The following FAM24B variants were observed in gnomAD, a reference collection of about 807,000 sequenced individuals.
FAM24B encodes family with sequence similarity 24 member B.
A neutral mutation model predicts 2.3 loss-of-function variants in FAM24B; 3 were observed. The ratio of observed to expected loss-of-function variants is 1.29; its 90% CI spans 0.59 to 3.32. The LOEUF is 3.32. Ranked by LOEUF, FAM24B falls within the 30% of genes most tolerant of loss-of-function variation. The probability of loss-of-function intolerance (pLI) is 0.03; values close to 1 mark genes in which losing one functional copy is unlikely to be tolerated. For missense variants in FAM24B, 98 were observed against 117.2 expected (o/e 0.84, Z 0.76); for synonymous variants, 36 against 46.3 (o/e 0.78, Z 0.90).
chr10:122,849,164 A>T lies in FAM24B; in HGVS notation c.*83T>A. On this transcript the variant is annotated 3_prime_UTR_variant, in exon 4 of 4. Coordinates refer to ENST00000368898, the MANE Select transcript of FAM24B (RefSeq NM_152644.3). ...CTGTAAATTATATAATCTCACATAA[A>T]AACACTAGAACTTGATTTGAATAAC... 9.4e-7 allele frequency: 1 copy of T among 1,060,156 alleles called. No homozygotes were observed. Among genetic ancestry groups the T allele is most frequent in the South Asian group, 2.3e-5 (1 of 43,114 alleles). 65.7% of individuals were successfully genotyped at this position (1,060,156 alleles called of 1,614,324 possible).
chr10:122,878,876 A>G (rs1055588408), intron 1 of FAM24B, among the ~76,000 whole-genome samples: 1 of 151,790 alleles, frequency 6.6e-6, no homozygotes, highest in Admixed American at 6.6e-5. Flanking sequence ...TATAGTATTG[A>G]TCTTGCTCAT....
chr10:122,869,973 T>G (rs1168506830), intron 1 of FAM24B, among the ~76,000 whole-genome samples: 1 of 152,116 alleles, frequency 6.6e-6, no homozygotes, highest in Non-Finnish European at 1.5e-5. Context: ...AAAAAGCCCT[T>G]CAAAAAAATC....
intron 1 of FAM24B, among the ~76,000 whole-genome samples, chr10:122,856,650 TGG>T (rs1201198176): frequency 6.6e-6 from 1 of 152,188 alleles, no homozygotes; most frequent in Non-Finnish European, 1.5e-5. Flanking sequence ...CTAGCCATGC[TGG>T]GGAGTCTGCA....
intron 1 of FAM24B, among the ~76,000 whole-genome samples, chr10:122,870,840 A>G (rs113241262): frequency 6.6e-6 from 1 of 152,174 alleles, no homozygotes; most frequent in African/African-American, 2.4e-5. Flanking sequence ...TACTGAATGG[A>G]CAAAAACTGG....
chr10:122,858,810 C>T (rs1847682097), intron 1 of FAM24B, among the ~76,000 whole-genome samples: 2 of 152,256 alleles, frequency 1.3e-5, no homozygotes, highest in Admixed American at 6.5e-5. Context: ...TGGGCTGGTG[C>T]TCCCCAGAGA....
At chr10:122,874,694 T>A (rs552547590) in intron 1 of FAM24B, among the ~76,000 whole-genome samples, 18 of 152,318 alleles carry the variant, frequency 1.2e-4, no homozygotes, top group African/African-American at 4.3e-4. Flanking sequence ...CCATCTTGAA[T>A]ATAATATGCC....
At chr10:122,852,328 C>G (rs1566247591) in intron 2 of FAM24B, among the ~76,000 whole-genome samples, 1 of 152,200 alleles carries the variant, frequency 6.6e-6, no homozygotes, top group South Asian at 2.1e-4. Context: ...AGAACACTTA[C>G]ATGGTAACTG....
intron 1 of FAM24B, among the ~76,000 whole-genome samples, chr10:122,860,136 A>G (rs984438459): frequency 3.9e-5 from 6 of 152,162 alleles, no homozygotes; most frequent in Non-Finnish European, 7.3e-5. Flanking sequence ...TGTCCACAAC[A>G]ATACCATAAA....
chr10:122,860,617 A>AT (rs1186904979), intron 1 of FAM24B, among the ~76,000 whole-genome samples: 4 of 152,214 alleles, frequency 2.6e-5, no homozygotes, highest in Non-Finnish European at 4.4e-5. Flanking sequence ...TGCTTGTATC[A>AT]TTTTTTATTC....
At chr10:122,865,602 C>T (rs1011488162) in intron 1 of FAM24B, among the ~76,000 whole-genome samples, 1 of 151,936 alleles carries the variant, frequency 6.6e-6, no homozygotes, top group Admixed American at 6.6e-5. Context: ...TTTTATTTTG[C>T]TTTGGTGTTA....
intron 2 of FAM24B, 24 bp from the exon 3 acceptor site, chr10:122,850,574 C>A (rs543084261): frequency 1.6e-6 from 2 of 1,243,350 alleles, no homozygotes; most frequent in East Asian, 2.3e-5. Context: ...TGCAAGCAAG[C>A]ACTGAGCCCA....
Position 122,849,403 on chromosome 10 carries a change from A to AT in FAM24B, c.128dup (p.Asn43LysfsTer30), listed in dbSNP as rs756916196. ...CCCACCACACCTTGTCTGGGTTGTG[A>AT]TTTTTTACAGCCACAGCTTCAGGTT... On this transcript the variant is annotated frameshift_variant, in exon 4 of 4. Coordinates refer to ENST00000368898, the MANE Select transcript of FAM24B (RefSeq NM_152644.3). LOFTEE classifies it low-confidence loss of function (END_TRUNC). The AT allele has an allele frequency of 1.3e-5, 21 of 1,611,444 alleles. No homozygotes were observed. The highest frequency in any genetic ancestry group is 1.7e-5 in the Non-Finnish European group (20 of 1,179,110).
chr10:122,867,511 C>A (rs1007286771), intron 1 of FAM24B, among the ~76,000 whole-genome samples: 1 of 152,194 alleles, frequency 6.6e-6, no homozygotes, highest in Non-Finnish European at 1.5e-5. Flanking sequence ...GGTCCCTGAC[C>A]CCTGAGTAGC....
At chr10:122,851,911 A>G (rs944792844) in intron 2 of FAM24B, among the ~76,000 whole-genome samples, 80 of 152,230 alleles carry the variant, frequency 5.3e-4, no homozygotes, top group African/African-American at 1.8e-3. Flanking sequence ...AAAATTATCA[A>G]AATAACCAAA....
Position 122,850,484 on chromosome 10 carries a change from G to T in FAM24B, c.32C>A (p.Ala11Asp), listed in dbSNP as rs1396546577. 4 of 1,613,914 alleles carry T rather than the reference G, an allele frequency of 2.5e-6. No individual in the cohort carries two copies. In the African/African-American group the frequency reaches 4.0e-5, roughly 16 times the overall value. Residue 11 changes from alanine (A) to aspartate (D), a missense_variant, in exon 3 of 4, where the codon GCC becomes GAC. Coordinates refer to ENST00000368898, the MANE Select transcript of FAM24B (RefSeq NM_152644.3). MPVIAGGILA[A>D]LLLLIVVVLC... ...CACGACAACTATCAGCAGGAGCAAGGCCGCCAGGATACCACCAGCGATGAC... is the reference window on the plus strand; with the variant it reads ...CACGACAACTATCAGCAGGAGCAAGTCCGCCAGGATACCACCAGCGATGAC...
At chr10:122,872,691 A>G (rs1847916071) in intron 1 of FAM24B, among the ~76,000 whole-genome samples, 1 of 152,172 alleles carries the variant, frequency 6.6e-6, no homozygotes, top group South Asian at 2.1e-4. Context: ...CAAGGACAGA[A>G]AACCAAACAC....
chr10:122,864,478 G>C lies in FAM24B; in HGVS notation c.-177-8692C>G, dbSNP rs372111027. Among the ~76,000 whole-genome samples, 27 of 152,152 alleles carry C rather than the reference G, an allele frequency of 1.8e-4. 1 individual carries two copies. In the East Asian group the frequency reaches 4.8e-3, roughly 27 times the overall value. On this transcript the variant is annotated intron_variant, in intron 1 of 3. Coordinates refer to ENST00000368898, the MANE Select transcript of FAM24B (RefSeq NM_152644.3). Reference sequence around the variant, plus strand: ...GAGTAACTTTTGTATACATATTTAGGTACTACACTTTTACTAATAAAAGTA... The same window carrying C: ...GAGTAACTTTTGTATACATATTTAGCTACTACACTTTTACTAATAAAAGTA...
intron 1 of FAM24B, among the ~76,000 whole-genome samples, chr10:122,868,987 G>T (rs1754646759): frequency 6.6e-6 from 1 of 152,134 alleles, no homozygotes; most frequent in Non-Finnish European, 1.5e-5. Context: ...GCACAGACTG[G>T]CAAACTGGAT....
intron 1 of FAM24B, among the ~76,000 whole-genome samples, chr10:122,877,110 A>T (rs1847987617): frequency 6.6e-6 from 1 of 152,264 alleles, no homozygotes; most frequent in South Asian, 2.1e-4. Context: ...AAGTGAAAAA[A>T]TAAAAATAAA....
Sources: gnomAD v4.1 joint callset for allele counts (sites outside exome capture counted in the v4.1 genomes callset) on GRCh38, gnomAD v4.1.1 for gene constraint, MANE v1.5 for transcripts, NCBI Gene and HGNC (gene_info 2026-07-23, HGNC 2026-07-21) for gene names.